Variants in MTHFD1L observed in about 807,000 individuals in gnomAD.
MTHFD1L encodes the protein methylenetetrahydrofolate dehydrogenase (NADP+ dependent) 1 like.
In MTHFD1L, 81 loss-of-function variants were observed where a neutral mutation model predicts 119.5. That is an observed-to-expected ratio of 0.68 (90% confidence interval 0.57 to 0.82). MTHFD1L has a LOEUF of 0.82. Among genes scored for constraint, MTHFD1L ranks in the 40% least tolerant of loss-of-function variants. MTHFD1L has a pLI of 0.00. For missense variants in MTHFD1L, 1,125 were observed against 1,253.4 expected (o/e 0.90, Z 1.55); for synonymous variants, 430 against 475.2 (o/e 0.90, Z 1.24).
intron 26 of MTHFD1L, among the ~76,000 whole-genome samples, chr6:151,052,961 G>T (rs1251779591): frequency 6.6e-6 from 1 of 152,178 alleles, no homozygotes; most frequent in South Asian, 2.1e-4. Context: ...CACTGAGATC[G>T]CCCGTCGTGG....
chr6:150,879,400 GC>G, intron 4 of MTHFD1L, among the ~76,000 whole-genome samples: 1 of 151,746 alleles, frequency 6.6e-6, no homozygotes, highest in East Asian at 1.9e-4. Context: ...TCATTCTCCT[GC>G]CTCAGCCTCC....
chr6:151,025,742 C>T (rs988028860), intron 24 of MTHFD1L, among the ~76,000 whole-genome samples: 8 of 152,150 alleles, frequency 5.3e-5, no homozygotes, highest in African/African-American at 1.9e-4. Context: ...CTGTGGCCCC[C>T]GATGTATGCC....
chr6:151,045,812 A>T (rs1328543895), intron 26 of MTHFD1L, among the ~76,000 whole-genome samples: 1 of 151,932 alleles, frequency 6.6e-6, no homozygotes, highest in Non-Finnish European at 1.5e-5. Flanking sequence ...GCTTCCTCTC[A>T]TCGTGAGGTC....
At chr6:151,080,219 C>G (rs1793015069) in intron 26 of MTHFD1L, among the ~76,000 whole-genome samples, 1 of 152,090 alleles carries the variant, frequency 6.6e-6, no homozygotes, top group South Asian at 2.1e-4. Flanking sequence ...TAGTGTTTCT[C>G]TGTATTTTTA....
intron 26 of MTHFD1L, among the ~76,000 whole-genome samples, chr6:151,090,989 G>A (rs1330046541): frequency 1.5e-5 from 2 of 135,732 alleles, no homozygotes; most frequent in African/African-American, 5.6e-5. Flanking sequence ...ACTGGGTGCA[G>A]CATCGTTCCA....
At chr6:150,909,936 T>C (rs1786573544) in intron 8 of MTHFD1L, among the ~76,000 whole-genome samples, 1 of 152,014 alleles carries the variant, frequency 6.6e-6, no homozygotes, top group African/African-American at 2.4e-5. Flanking sequence ...ATCCCAGCAC[T>C]TTGGGAGGCC....
chr6:150,948,797 T>A (rs77221848), intron 15 of MTHFD1L, among the ~76,000 whole-genome samples: 1 of 83,358 alleles, frequency 1.2e-5, no homozygotes, highest in African/African-American at 2.9e-5. Flanking sequence ...TGCGCCACCA[T>A]GCCCAGCTAA....
At chr6:150,935,060 G>A in intron 11 of MTHFD1L, 10 of 1,613,896 alleles carry the variant, frequency 6.2e-6, no homozygotes, top group Non-Finnish European at 7.6e-6. Flanking sequence ...GGACTGTGCT[G>A]GAAAGACAAC....
chr6:150,887,795 G>A (rs1330121449), intron 6 of MTHFD1L, 50 bp from the exon 7 acceptor site: 1 of 1,517,258 alleles, frequency 6.6e-7, no homozygotes, highest in Non-Finnish European at 8.8e-7. Flanking sequence ...GTTCTTAAAG[G>A]AAGGATCTGA....
intron 26 of MTHFD1L, among the ~76,000 whole-genome samples, chr6:151,049,789 C>A (rs1044975696): frequency 6.6e-6 from 1 of 152,180 alleles, no homozygotes; most frequent in Non-Finnish European, 1.5e-5. Flanking sequence ...TGATTTTCGT[C>A]CATGGTTCCT....
intron 11 of MTHFD1L, among the ~76,000 whole-genome samples, chr6:150,928,465 T>C (rs1318012040): frequency 6.6e-6 from 1 of 151,046 alleles, no homozygotes; most frequent in Non-Finnish European, 1.5e-5. Flanking sequence ...AAATCACCTC[T>C]TTAATGATAT....
At chr6:151,011,543 A>G (rs886474659) in intron 21 of MTHFD1L, among the ~76,000 whole-genome samples, 3 of 152,228 alleles carry the variant, frequency 2.0e-5, no homozygotes, top group African/African-American at 7.2e-5. Flanking sequence ...CATCAGTCCC[A>G]TAGTTTTCCA....
intron 26 of MTHFD1L, among the ~76,000 whole-genome samples, chr6:151,085,019 A>ATG (rs1562643986): frequency 3.0e-5 from 4 of 134,692 alleles, no homozygotes; most frequent in African/African-American, 1.1e-4. Context: ...ATATTTATAT[A>ATG]TGTATATACA....
intron 26 of MTHFD1L, among the ~76,000 whole-genome samples, chr6:151,044,786 G>A (rs750537597): frequency 3.9e-5 from 6 of 152,152 alleles, no homozygotes; most frequent in Non-Finnish European, 7.3e-5. Flanking sequence ...ATCATCGCTT[G>A]GCTGGACTCT....
At chr6:150,883,133 A>C (rs1383053214) in intron 5 of MTHFD1L, among the ~76,000 whole-genome samples, 3 of 152,072 alleles carry the variant, frequency 2.0e-5, no homozygotes, top group Admixed American at 6.5e-5. Flanking sequence ...CCTGGGTTCA[A>C]GCGATTTTCC....
chr6:151,020,076 C>G (rs1044580762), intron 24 of MTHFD1L, among the ~76,000 whole-genome samples: 3 of 152,204 alleles, frequency 2.0e-5, no homozygotes, highest in African/African-American at 7.2e-5. Flanking sequence ...CTTCTCAAAG[C>G]AAACTGGGTT....
At chr6:151,090,681 G>C (rs1472755617) in intron 26 of MTHFD1L, among the ~76,000 whole-genome samples, 3 of 152,254 alleles carry the variant, frequency 2.0e-5, no homozygotes, top group Non-Finnish European at 1.5e-5. Context: ...GAAGAAGCAG[G>C]CAAACCCTGG....
In MTHFD1L at chr6:151,037,116, C is replaced by CG; in HGVS notation, c.2847+1dup. ...GGGTTCATTTACCCTTTGGTCGGAA[C>CG]GGTGAGTGAGTCACATTTTCCAAAA... On this transcript the variant is annotated frameshift_variant and splice_region_variant, in exon 26 of 28. Coordinates refer to ENST00000367321, the MANE Select transcript of MTHFD1L (RefSeq NM_015440.5). LOFTEE classifies it high-confidence loss of function. The CG allele has an allele frequency of 6.2e-7, 1 of 1,611,916 alleles. No homozygotes were observed. The highest frequency in any genetic ancestry group is 8.5e-7 in the Non-Finnish European group (1 of 1,179,780).
chr6:151,090,556 T>A (rs1316642008), intron 26 of MTHFD1L, among the ~76,000 whole-genome samples: 1 of 150,842 alleles, frequency 6.6e-6, no homozygotes, highest in African/African-American at 2.5e-5. Context: ...GAGGAGAGGC[T>A]GGTGAAGAGG....
Sources: allele counts gnomAD v4.1 joint callset (sites outside exome capture counted in the v4.1 genomes callset), GRCh38; gene constraint gnomAD v4.1.1; transcripts MANE v1.5; gene names NCBI Gene and HGNC (gene_info 2026-07-23, HGNC 2026-07-21).